Variants in RASGEF1C observed in about 807,000 individuals in gnomAD.
RASGEF1C encodes the protein ras-GEF domain-containing family member 1C.
Under a neutral mutation model 58.1 loss-of-function variants are expected in RASGEF1C, and 27 were observed. The observed-to-expected ratio is 0.46, with a 90% CI of 0.34 to 0.64. RASGEF1C has a LOEUF of 0.64. RASGEF1C is among the 30% of genes least tolerant of loss of function. The pLI is 0.01. For missense variants in RASGEF1C, 502 were observed against 605.1 expected, an observed-to-expected ratio of 0.83 and a Z score of 1.79; for synonymous variants, 243 against 246.3, an observed-to-expected ratio of 0.99 and a Z score of 0.13.
chr5:180,170,980 T>G (rs1449554722), intron 1 of RASGEF1C, among the ~76,000 whole-genome samples: 1 of 152,084 alleles, frequency 6.6e-6, no homozygotes, highest in Non-Finnish European at 1.5e-5. Flanking sequence ...GCGCTGCTGC[T>G]CCAAACTGGA....
At chr5:180,181,857 C>T (rs1299998899) in intron 1 of RASGEF1C, among the ~76,000 whole-genome samples, 3 of 152,172 alleles carry the variant, frequency 2.0e-5, no homozygotes, top group African/African-American at 7.2e-5. Context: ...TGCAGCAGCA[C>T]ACTATTGAGA....
At position 180,158,885 on chromosome 5, in the gene RASGEF1C, T is replaced by C. The variant is rs2113298912; in HGVS notation, c.-6-20827A>G. ...GTCTAGAATTCTTAGCACTCATTTT[T>C]GGACCCCCTGGACTTGTCCTCCAAT... On this transcript the variant is annotated intron_variant, in intron 1 of 13. Coordinates refer to ENST00000361132, the MANE Select transcript of RASGEF1C (RefSeq NM_175062.4). The surrounding 1 kb of genome is among the most constrained non-coding windows in gnomAD (Gnocchi z 4.0). Among the ~76,000 whole-genome samples the C allele has an allele frequency of 6.6e-6, 1 of 152,302 alleles. No individual in the cohort carries two copies. Among genetic ancestry groups the C allele is most frequent in the Admixed American group, 6.5e-5 (1 of 15,298 alleles).
chr5:180,198,334 C>A lies in RASGEF1C; in HGVS notation c.-7+10694G>T, dbSNP rs1273653811. 6.6e-6 allele frequency among the ~76,000 whole-genome samples: 1 copy of A among 152,188 alleles called. No individual in the cohort carries two copies. The highest frequency in any genetic ancestry group is 2.4e-5 in the African/African-American group (1 of 41,430). Reference sequence around the variant, plus strand: ...AAGGCATACTGGACGCCTGCCTTGGCCAGCTCTGGCGTTGAGAGCCCCATC... The same window carrying A: ...AAGGCATACTGGACGCCTGCCTTGGACAGCTCTGGCGTTGAGAGCCCCATC... On this transcript the variant is annotated intron_variant, in intron 1 of 13. Transcript: ENST00000361132. The surrounding 1 kb of genome is among the most constrained non-coding windows in gnomAD (Gnocchi z 4.5).
chr5:180,146,357 C>T (rs576552088), intron 1 of RASGEF1C, among the ~76,000 whole-genome samples: 20 of 152,248 alleles, frequency 1.3e-4, no homozygotes, highest in East Asian at 1.9e-4. Context: ...CACCATGTTG[C>T]GCAGGCTGGT....
chr5:180,119,610 A>G (rs1766133041), intron 7 of RASGEF1C, among the ~76,000 whole-genome samples, 162 bp from the exon 8 acceptor site: 1 of 152,160 alleles, frequency 6.6e-6, no homozygotes, highest in Non-Finnish European at 1.5e-5. Flanking sequence ...TCATGGGCTG[A>G]GCCAGCAGAG....
At chr5:180,150,202 T>C (rs1274625663) in intron 1 of RASGEF1C, among the ~76,000 whole-genome samples, 1 of 152,238 alleles carries the variant, frequency 6.6e-6, no homozygotes, top group Non-Finnish European at 1.5e-5. Context: ...TATTGTACTT[T>C]ATAGCTCCAA....
chr5:180,154,999 G>C (rs1032030172), intron 1 of RASGEF1C, among the ~76,000 whole-genome samples: 3 of 152,164 alleles, frequency 2.0e-5, no homozygotes, highest in Non-Finnish European at 4.4e-5. Flanking sequence ...CCAGGTGCTG[G>C]CACTGGGAGC....
chr5:180,187,247 T>C (rs974226553), intron 1 of RASGEF1C, among the ~76,000 whole-genome samples: 2 of 152,200 alleles, frequency 1.3e-5, no homozygotes, highest in Non-Finnish European at 2.9e-5. Context: ...CCCTACCTCT[T>C]ACCATATATA....
In RASGEF1C at chr5:180,168,640, G is replaced by C. The variant is rs1421711249; in HGVS notation, c.-6-30582C>G. On this transcript the variant is annotated intron_variant, in intron 1 of 13. Transcript: ENST00000361132. This position sits in a 1 kb window ranked among gnomAD's most constrained non-coding sequence, Gnocchi z 6.0. ...AAGGTGTGGGGGTCAGAGAGTGAAA[G>C]AGAAGCCGGGAGTTCATCTTCCTTG... Among the ~76,000 whole-genome samples, 2 of 152,110 alleles carry C rather than the reference G, an allele frequency of 1.3e-5. No homozygotes were observed. The highest frequency in any genetic ancestry group is 2.9e-5 in the Non-Finnish European group (2 of 68,012).
chr5:180,158,834 A>G lies in RASGEF1C; in HGVS notation c.-6-20776T>C, dbSNP rs1418784199. On this transcript the variant is annotated intron_variant, in intron 1 of 13. Coordinates refer to ENST00000361132, the MANE Select transcript of RASGEF1C (RefSeq NM_175062.4). This position sits in a 1 kb window ranked among gnomAD's most constrained non-coding sequence, Gnocchi z 4.0. ...AAAACTTTCTTAAATCATTTCACAG[A>G]TGGTTTCCTCTCCTTCATTTTCTCT... 2.0e-5 allele frequency among the ~76,000 whole-genome samples: 3 copies of G among 151,910 alleles called. No homozygotes were observed. The East Asian group carries it at 5.8e-4, about 29-fold the overall frequency.
Position 180,119,368 on chromosome 5 carries a change from G to C in RASGEF1C, c.885C>G (p.Phe295Leu). 6.2e-7 allele frequency: 1 copy of C among 1,614,078 alleles called. No homozygotes were observed. The change falls in exon 8 of 14, where the codon TTC (phenylalanine) becomes TTG (leucine). Residue 295 changes from phenylalanine (F) to leucine (L), a missense_variant. Phe to Leu is a conservative substitution (Grantham distance 22, BLOSUM62 0). Coordinates refer to ENST00000361132, the MANE Select transcript of RASGEF1C (RefSeq NM_175062.4). The part of the protein sequence containing the change: ...VARECFNIGN[F>L]NSLMAIISGM... ...CACAGATGATGGCCATGAGGGAGTT[G>C]AAGTTGCCGATGTTGAAGCACTCGC... is the stretch of plus-strand genomic sequence containing the variant.
intron 1 of RASGEF1C, among the ~76,000 whole-genome samples, chr5:180,178,840 G>A (rs557400278): frequency 6.6e-5 from 10 of 152,202 alleles, no homozygotes; most frequent in Admixed American, 2.0e-4. Flanking sequence ...ATGCACCCCC[G>A]GCTGATATGT....
rs1167166490 is a variant in RASGEF1C, at chr5:180,198,374, C to G, written c.-7+10654G>C. On this transcript the variant is annotated intron_variant, in intron 1 of 13. Transcript: ENST00000361132. The surrounding 1 kb of genome is among the most constrained non-coding windows in gnomAD (Gnocchi z 4.5). ...AGAGCCCCATCTGGTGTCTGAGGCC[C>G]AGAGCAATCCTAGGACTGTAAGAGT... Among the ~76,000 whole-genome samples, 2 of 152,214 alleles carry G rather than the reference C, an allele frequency of 1.3e-5. No individual in the cohort carries two copies. The highest frequency in any genetic ancestry group is 4.8e-5 in the African/African-American group (2 of 41,454).
At chr5:180,149,088 C>CTTTTTTT (rs61204210) in intron 1 of RASGEF1C, among the ~76,000 whole-genome samples, 1 of 110,172 alleles carries the variant, frequency 9.1e-6, no homozygotes, top group Non-Finnish European at 1.9e-5. Flanking sequence ...CTTTTTTTTT[C>CTTTTTTT]TTTTTTTTTT....
chr5:180,179,807 C>G (rs1260806404), intron 1 of RASGEF1C, among the ~76,000 whole-genome samples: 2 of 152,222 alleles, frequency 1.3e-5, no homozygotes, highest in East Asian at 3.9e-4. Context: ...ACGTACATCT[C>G]CGTGTACCCA....
chr5:180,107,613 T>A (rs1561728943), intron 12 of RASGEF1C, among the ~76,000 whole-genome samples: 1 of 152,156 alleles, frequency 6.6e-6, no homozygotes, highest in African/African-American at 2.4e-5. Flanking sequence ...ATTTTTTAAT[T>A]ATTTTTTTTC....
At chr5:180,145,784 C>T (rs1461174780) in intron 1 of RASGEF1C, among the ~76,000 whole-genome samples, 1 of 152,208 alleles carries the variant, frequency 6.6e-6, no homozygotes, top group African/African-American at 2.4e-5. Flanking sequence ...GGAGAAGCCC[C>T]ACAGAACTGG....
intron 1 of RASGEF1C, among the ~76,000 whole-genome samples, chr5:180,208,624 A>G (rs778126901): frequency 9.2e-5 from 14 of 152,130 alleles, no homozygotes; most frequent in Non-Finnish European, 2.1e-4. Context: ...TCCCTTCTGC[A>G]CGTGCACCGG....
chr5:180,136,600 GC>G (rs1766480761), intron 3 of RASGEF1C, 85 bp from the exon 4 acceptor site: 1 of 1,437,478 alleles, frequency 7.0e-7, no homozygotes, highest in African/African-American at 1.4e-5. Context: ...GGGTCTGGCC[GC>G]CCGGGGCAGG....
Sources: allele counts gnomAD v4.1 joint callset (sites outside exome capture counted in the v4.1 genomes callset), GRCh38; gene constraint gnomAD v4.1.1; non-coding constraint Gnocchi (gnomAD v3.1); transcripts MANE v1.5; gene names NCBI Gene and HGNC (gene_info 2026-07-23, HGNC 2026-07-21).